Variants in GALNTL6 observed in about 807,000 individuals in gnomAD.
GALNTL6 encodes polypeptide N-acetylgalactosaminyltransferase like 6.
GALNTL6 carries 46 observed loss-of-function variants against 73.7 expected under a neutral mutation model. That is an observed-to-expected ratio of 0.62 (90% CI 0.49 to 0.80). GALNTL6 has a LOEUF of 0.80. Ranked by LOEUF, GALNTL6 falls within the 30% of genes least tolerant of loss-of-function variation. The pLI is 0.00. For missense variants in GALNTL6, 604 were observed against 755.0 expected, an observed-to-expected ratio of 0.80 and a Z score of 2.34; for synonymous variants, 259 against 263.7, an observed-to-expected ratio of 0.98 and a Z score of 0.17.
At chr4:172,352,877 T>C (rs1206401267) in intron 5 of GALNTL6, among the ~76,000 whole-genome samples, 1 of 151,984 alleles carries the variant, frequency 6.6e-6, no homozygotes, top group Admixed American at 6.6e-5. Flanking sequence ...AGATCTGTTA[T>C]TCTCCATGTA....
chr4:172,126,788 C>T (rs555078613), intron 2 of GALNTL6, among the ~76,000 whole-genome samples: 86 of 152,284 alleles, frequency 5.6e-4, no homozygotes, highest in African/African-American at 1.9e-3. Context: ...CAGCCCCCAC[C>T]AGAAGGTACC....
chr4:173,025,852 C>T (rs563095778), intron 12 of GALNTL6, among the ~76,000 whole-genome samples: 2 of 151,662 alleles, frequency 1.3e-5, no homozygotes, highest in African/African-American at 4.9e-5. Flanking sequence ...AGTGCTTCAC[C>T]AACATAATAA....
chr4:172,852,727 G>A (rs1560993298), intron 7 of GALNTL6, among the ~76,000 whole-genome samples: 2 of 152,120 alleles, frequency 1.3e-5, no homozygotes, highest in Non-Finnish European at 2.9e-5. Flanking sequence ...ATTTTTGTAG[G>A]TTGGATTTTT....
At chr4:172,490,970 A>G (rs925844912) in intron 5 of GALNTL6, among the ~76,000 whole-genome samples, 8 of 152,154 alleles carry the variant, frequency 5.3e-5, no homozygotes, top group Non-Finnish European at 1.2e-4. Flanking sequence ...CTAGGGATAA[A>G]TCAGTGAACA....
intron 5 of GALNTL6, among the ~76,000 whole-genome samples, chr4:172,639,277 G>A (rs1420100132): frequency 6.6e-6 from 1 of 151,892 alleles, no homozygotes; most frequent in Non-Finnish European, 1.5e-5. Flanking sequence ...AACCCTACTG[G>A]GACCTCCATT....
chr4:171,990,286 C>G (rs993662309), intron 2 of GALNTL6, among the ~76,000 whole-genome samples: 1 of 152,100 alleles, frequency 6.6e-6, no homozygotes, highest in South Asian at 2.1e-4. Context: ...CTTCTAAGTA[C>G]TTCATATTTA....
chr4:172,545,520 C>T (rs1002940551), intron 5 of GALNTL6: 7 of 152,202 alleles, frequency 4.6e-5, no homozygotes, highest in Non-Finnish European at 1.0e-4. Context: ...ATTTCTATAG[C>T]CTGTACAATG....
chr4:172,150,369 C>T (rs1055515367), intron 2 of GALNTL6, among the ~76,000 whole-genome samples: 3 of 152,098 alleles, frequency 2.0e-5, no homozygotes, highest in African/African-American at 7.2e-5. Context: ...AGAGGATGAC[C>T]TATAAATATT....
At chr4:172,896,854 A>G (rs1045562207) in intron 8 of GALNTL6, among the ~76,000 whole-genome samples, 1 of 152,070 alleles carries the variant, frequency 6.6e-6, no homozygotes, top group Admixed American at 6.5e-5. Flanking sequence ...GCCGCAGGAG[A>G]GCTGGGAGCT....
intron 5 of GALNTL6, among the ~76,000 whole-genome samples, chr4:172,612,020 C>A (rs1738543840): frequency 6.6e-6 from 1 of 152,014 alleles, no homozygotes; most frequent in Admixed American, 6.6e-5. Context: ...TTGTCTCAGT[C>A]TCGTCATCTA....
intron 12 of GALNTL6, among the ~76,000 whole-genome samples, chr4:173,022,227 G>C (rs1184713102): frequency 7.5e-6 from 1 of 133,160 alleles, no homozygotes; most frequent in Non-Finnish European, 1.6e-5. Flanking sequence ...AAGGAAGGAA[G>C]TTTTGAAAGT....
chr4:172,274,223 G>T (rs1025407678), intron 3 of GALNTL6, among the ~76,000 whole-genome samples: 1 of 152,116 alleles, frequency 6.6e-6, no homozygotes, highest in African/African-American at 2.4e-5. Context: ...ACTTAACTGT[G>T]AAACTTTAAG....
chr4:172,207,821 C>G (rs1191287110), intron 2 of GALNTL6, among the ~76,000 whole-genome samples: 2 of 152,148 alleles, frequency 1.3e-5, no homozygotes, highest in African/African-American at 4.8e-5. Context: ...TCATAACTTG[C>G]ACGCAGTAAG....
In GALNTL6 at chr4:172,603,121, A is replaced by C. The variant is rs1579232073; in HGVS notation, c.554-206240A>C. Among the ~76,000 whole-genome samples the C allele has an allele frequency of 2.0e-5, 3 of 152,112 alleles. No individual in the cohort carries two copies. In the South Asian group the frequency reaches 6.2e-4, roughly 32 times the overall value. ...ATTGTTGATGGCAAAGGGCACAGGG[A>C]TTTTTCTAGAATGATGGAAATGTTT... On this transcript the variant is annotated intron_variant, in intron 5 of 12. Transcript: ENST00000506823.
At chr4:172,182,147 C>T (rs1295115216) in intron 2 of GALNTL6, among the ~76,000 whole-genome samples, 1 of 152,204 alleles carries the variant, frequency 6.6e-6, no homozygotes, top group Non-Finnish European at 1.5e-5. Context: ...CATGAGTGAA[C>T]TCCCATTCAC....
At chr4:172,143,018 CAGAT>C (rs1389305497) in intron 2 of GALNTL6, among the ~76,000 whole-genome samples, 1 of 151,692 alleles carries the variant, frequency 6.6e-6, no homozygotes, top group Non-Finnish European at 1.5e-5. Flanking sequence ...GATAGATAGA[CAGAT>C]AGATAGATAA....
chr4:172,816,082 G>T (rs1170633627), intron 7 of GALNTL6, among the ~76,000 whole-genome samples: 3 of 152,186 alleles, frequency 2.0e-5, no homozygotes, highest in African/African-American at 4.8e-5. Flanking sequence ...CAGAACGAAG[G>T]CAGTCTATCT....
At chr4:172,744,986 TAATC>T (rs1423168472) in intron 5 of GALNTL6, among the ~76,000 whole-genome samples, 1 of 152,040 alleles carries the variant, frequency 6.6e-6, no homozygotes, top group East Asian at 1.9e-4. Flanking sequence ...TTTAGTATAA[TAATC>T]AATCATGTTT....
intron 5 of GALNTL6, among the ~76,000 whole-genome samples, chr4:172,534,729 G>A (rs905290518): frequency 3.9e-5 from 6 of 151,956 alleles, no homozygotes; most frequent in African/African-American, 7.3e-5. Context: ...CCACCATGCC[G>A]GCTAATTTTT....
Sources: gnomAD v4.1 joint callset for allele counts (sites outside exome capture counted in the v4.1 genomes callset) on GRCh38, gnomAD v4.1.1 for gene constraint, MANE v1.5 for transcripts, NCBI Gene and HGNC (gene_info 2026-07-23, HGNC 2026-07-21) for gene names.